Variants in SLCO4A1 observed in about 807,000 individuals in gnomAD.
The protein encoded by SLCO4A1 is colon organic anion transporter.
SLCO4A1 carries 51 observed loss-of-function variants against 64.6 expected under a neutral mutation model. The ratio of observed to expected loss-of-function variants is 0.79; its 90% CI spans 0.63 to 1.00. The LOEUF (loss-of-function observed/expected upper bound fraction) is 1.00. Ranked by LOEUF, SLCO4A1 falls within the 50% of genes least tolerant of loss-of-function variation. The probability of loss-of-function intolerance (pLI) is 0.00; values close to 1 mark genes in which losing one functional copy is unlikely to be tolerated. For missense variants in SLCO4A1, 919 were observed against 980.5 expected, an observed-to-expected ratio of 0.94 and a Z score of 0.84; for synonymous variants, 471 against 444.9, an observed-to-expected ratio of 1.06 and a Z score of -0.74.
chr20:62,668,600 C>T (rs1569146614), intron 10 of SLCO4A1, 59 bp downstream of exon 10: 8 of 1,469,542 alleles, frequency 5.4e-6, no homozygotes, highest in Non-Finnish European at 7.6e-6. Context: ...TGCACAAGGG[C>T]ATGGGCAAGT....
At chr20:62,681,430 A>G (rs1029225869) in intron 2 of SLCO4A1, among the ~76,000 whole-genome samples, 2 of 151,302 alleles carry the variant, frequency 1.3e-5, no homozygotes, top group African/African-American at 4.9e-5. Flanking sequence ...AGCCTTGTGT[A>G]CACACTCGTG....
intron 2 of SLCO4A1, among the ~76,000 whole-genome samples, chr20:62,658,104 T>C (rs568784955): frequency 6.6e-6 from 1 of 152,264 alleles, no homozygotes; most frequent in East Asian, 1.9e-4. Context: ...GGGAAGGGCA[T>C]CGTAGGATGG....
chr20:62,671,104 C>A (rs933048534), intron 11 of SLCO4A1, among the ~76,000 whole-genome samples: 1 of 152,214 alleles, frequency 6.6e-6, no homozygotes, highest in African/African-American at 2.4e-5. Context: ...ACAAAGAAAC[C>A]AAGACCCTGA....
Position 62,645,464 on chromosome 20 carries a change from A to ATGAGGG in SLCO4A1, c.-97+2914_-97+2919dup, listed in dbSNP as rs200268666. Among the ~76,000 whole-genome samples the ATGAGGG allele has an allele frequency of 5.6e-3, 802 of 144,262 alleles. 7 individuals are homozygous for ATGAGGG. The highest frequency in any genetic ancestry group is 0.019 in the African/African-American group (758 of 39,066). The allele number at this position is 144,262 out of a possible 152,430, so 94.6% of individuals were successfully genotyped here. On this transcript the variant is annotated intron_variant, in intron 1 of 11. Coordinates refer to ENST00000217159, the MANE Select transcript of SLCO4A1 (RefSeq NM_016354.4). This position sits in a 1 kb window ranked among gnomAD's most constrained non-coding sequence, Gnocchi z 4.2. The stretch of plus-strand genomic sequence containing the variant: ...GGTGAGGGTGAGGGTGCGGGTGAGG[A>ATGAGGG]TGAGGGTGCGGGTGAGGACCCACCC...
chr20:62,652,756 G>A (rs1160575453), intron 1 of SLCO4A1, among the ~76,000 whole-genome samples: 3 of 152,206 alleles, frequency 2.0e-5, no homozygotes, highest in East Asian at 3.8e-4. Flanking sequence ...GTGTGGCCGC[G>A]GGCACCCAGG....
rs373045263 is a variant in SLCO4A1 at position 62,656,753 on chromosome 20, A to G, written c.299A>G (p.Asn100Ser). 22 of 1,612,390 alleles carry G rather than the reference A, an allele frequency of 1.4e-5. No homozygotes were observed. Among genetic ancestry groups the G allele is most frequent in the South Asian group, 3.3e-5 (3 of 91,044 alleles). ...AFAPPCLQVLNTPKGILFFLC... is the reference protein window; with the variant it reads ...AFAPPCLQVLSTPKGILFFLC... Reference sequence around the variant, plus strand: ...GCACCGCCGTGCCTGCAGGTCCTCAACACGCCCAAGGGCATCCTGTTCTTC... The same window carrying G: ...GCACCGCCGTGCCTGCAGGTCCTCAGCACGCCCAAGGGCATCCTGTTCTTC... Residue 100 changes from asparagine to serine, a missense_variant, in exon 2 of 12, where the codon AAC (asparagine) becomes AGC (serine). Transcript: ENST00000217159.
chr20:62,688,834 G>A (rs1400851388), downstream of SLCO4A1, among the ~76,000 whole-genome samples: 1 of 152,234 alleles, frequency 6.6e-6, no homozygotes, highest in Non-Finnish European at 1.5e-5. Flanking sequence ...AGGGCCTGGG[G>A]GAAGCTGGGG....
At chr20:62,654,975 T>G (rs1344985030) in intron 1 of SLCO4A1, among the ~76,000 whole-genome samples, 1 of 152,216 alleles carries the variant, frequency 6.6e-6, no homozygotes, top group Non-Finnish European at 1.5e-5. Context: ...CACATTCCCT[T>G]TTTATAATAT....
At chr20:62,687,200 G>A (rs944752549), downstream of SLCO4A1, among the ~76,000 whole-genome samples, 3 of 151,570 alleles carry the variant, frequency 2.0e-5, no homozygotes, top group Non-Finnish European at 2.9e-5. Flanking sequence ...GATGGAAAGG[G>A]CACCCCCAAA....
intron 1 of SLCO4A1, among the ~76,000 whole-genome samples, chr20:62,655,287 C>T (rs981271258): frequency 3.7e-5 from 5 of 135,668 alleles, no homozygotes; most frequent in Admixed American, 7.3e-5. Flanking sequence ...TCACAGCAGC[C>T]CCGGGAAGGA....
At chr20:62,667,025 C>G (rs1986474398) in intron 7 of SLCO4A1, among the ~76,000 whole-genome samples, 1 of 152,236 alleles carries the variant, frequency 6.6e-6, no homozygotes, top group Non-Finnish European at 1.5e-5. Context: ...TAGCCTGCAC[C>G]TCGGCCCTGC....
At position 62,656,681 on chromosome 20, in the gene SLCO4A1, G is replaced by A. The variant is rs769194056; in HGVS notation, c.227G>A (p.Arg76Gln). 130 of 1,607,988 alleles carry A rather than the reference G, an allele frequency of 8.1e-5. No homozygotes were observed. Among genetic ancestry groups the A allele is most frequent in the Non-Finnish European group, 1.0e-4 (120 of 1,177,844 alleles). ...KHGARGTHEV[R>Q]YVSAGQSVAC... ...GGCGCCCGGGGGACCCATGAGGTGCGGTACGTCTCGGCCGGGCAGAGCGTG... is the reference window on the plus strand; with the variant it reads ...GGCGCCCGGGGGACCCATGAGGTGCAGTACGTCTCGGCCGGGCAGAGCGTG... Residue 76 changes from arginine (R) to glutamine (Q), a missense_variant, in exon 2 of 12, where the codon CGG (arginine) becomes CAG (glutamine). Physicochemically the swap from Arg to Gln is conservative, Grantham distance 43 (BLOSUM62 1). Transcript: ENST00000217159.
chr20:62,647,091 T>C (rs1981484016), intron 1 of SLCO4A1, among the ~76,000 whole-genome samples: 1 of 152,234 alleles, frequency 6.6e-6, no homozygotes, highest in Non-Finnish European at 1.5e-5. Context: ...GGTATGCAAA[T>C]TGGGGTGTAC....
downstream of SLCO4A1, among the ~76,000 whole-genome samples, chr20:62,688,912 G>T (rs73918623): frequency 0.017 from 2,647 of 152,308 alleles, 95 homozygotes; most frequent in African/African-American, 0.062. Context: ...CCAATAAACC[G>T]AACGAGTACA....
chr20:62,669,863 A>T (rs994468419), intron 11 of SLCO4A1: 1 of 152,238 alleles, frequency 6.6e-6, no homozygotes, highest in African/African-American at 2.4e-5. Flanking sequence ...GAGTCTGAGC[A>T]GGGCCTTGTG....
chr20:62,662,673 C>T (rs1329470255), intron 5 of SLCO4A1, among the ~76,000 whole-genome samples: 1 of 152,188 alleles, frequency 6.6e-6, no homozygotes, highest in Non-Finnish European at 1.5e-5. Flanking sequence ...CGCAGCCACA[C>T]ACCCCGGAGC....
At chr20:62,666,257 G>A in intron 6 of SLCO4A1, 123 bp from the exon 7 acceptor site, 1 of 764,058 alleles carries the variant, frequency 1.3e-6, no homozygotes, top group South Asian at 1.6e-5. Flanking sequence ...CTGCCATGCA[G>A]GCAGGAATTG....
In SLCO4A1 at chr20:62,661,244, C is replaced by A; in HGVS notation, c.1121+69C>A. The A allele has an allele frequency of 9.2e-7, 1 of 1,089,528 alleles. No individual in the cohort carries two copies. Among genetic ancestry groups the A allele is most frequent in the South Asian group, 1.2e-5 (1 of 80,176 alleles). 67.5% of individuals were successfully genotyped at this position (1,089,528 alleles called of 1,614,324 possible). A position where few individuals can be genotyped will look rare whatever the true frequency, so the allele number is the denominator to read the frequency against. Reference sequence around the variant, plus strand: ...TTAATGGTCCCCATCTTGGGGGAGTCGTTGAGACCCCTCCGGGATCATGAT... The same window carrying A: ...TTAATGGTCCCCATCTTGGGGGAGTAGTTGAGACCCCTCCGGGATCATGAT... On this transcript the variant is annotated intron_variant, in intron 5 of 11. Coordinates refer to ENST00000217159, the MANE Select transcript of SLCO4A1 (RefSeq NM_016354.4). The surrounding 1 kb of genome is among the most constrained non-coding windows in gnomAD (Gnocchi z 5.2).
intron 11 of SLCO4A1, among the ~76,000 whole-genome samples, chr20:62,669,766 C>T (rs900657711): frequency 1.3e-5 from 2 of 152,218 alleles, no homozygotes; most frequent in Admixed American, 1.3e-4. Context: ...TGCAGGAACC[C>T]GTGGCCTCAG....
Sources: gnomAD v4.1 joint callset for allele counts (sites outside exome capture counted in the v4.1 genomes callset) on GRCh38, gnomAD v4.1.1 for gene constraint, Gnocchi (gnomAD v3.1) non-coding constraint, MANE v1.5 for transcripts, NCBI Gene and HGNC (gene_info 2026-07-23, HGNC 2026-07-21) for gene names.